Variants in TMEM135 observed in about 807,000 individuals in gnomAD.
TMEM135 encodes transmembrane protein 135.
A neutral mutation model predicts 60.3 loss-of-function variants in TMEM135; 30 were observed. The observed-to-expected ratio is 0.50, with a 90% CI of 0.37 to 0.68. TMEM135 has a LOEUF of 0.68. TMEM135 is among the 30% of genes least tolerant of loss of function. The pLI, the probability that TMEM135 is intolerant of heterozygous loss-of-function variation, is 0.00. For synonymous variants in TMEM135, 190 were observed against 186.7 expected (o/e 1.02, Z -0.14); for missense variants, 468 against 548.8 (o/e 0.85, Z 1.47).
intron 5 of TMEM135, among the ~76,000 whole-genome samples, chr11:87,175,284 G>A (rs61905591): frequency 2.8e-4 from 43 of 152,016 alleles, no homozygotes; most frequent in Non-Finnish European, 4.9e-4. Flanking sequence ...TATTCTTTCT[G>A]GAATATTTTA....
chr11:87,157,484 C>A (rs1197146145), intron 5 of TMEM135, 78 bp downstream of exon 5: 1 of 1,234,584 alleles, frequency 8.1e-7, no homozygotes, highest in South Asian at 1.2e-5. Context: ...GTGATGAAAT[C>A]TATGATGCTT....
At chr11:87,218,266 T>G (rs1174589163) in intron 5 of TMEM135, among the ~76,000 whole-genome samples, 1 of 152,198 alleles carries the variant, frequency 6.6e-6, no homozygotes, top group African/African-American at 2.4e-5. Flanking sequence ...AACTTAGAAG[T>G]GGGCCCTTTG....
chr11:87,082,501 A>T (rs370106882), intron 3 of TMEM135, among the ~76,000 whole-genome samples: 1 of 152,338 alleles, frequency 6.6e-6, no homozygotes, highest in East Asian at 1.9e-4. Context: ...CCTTTAATTC[A>T]CAGAGAAAAT....
At chr11:87,219,309 A>G (rs1324135425) in intron 5 of TMEM135, among the ~76,000 whole-genome samples, 2 of 152,178 alleles carry the variant, frequency 1.3e-5, no homozygotes, top group African/African-American at 2.4e-5. Context: ...TTCAATAGAA[A>G]TTTGTTTTCT....
intron 6 of TMEM135, among the ~76,000 whole-genome samples, chr11:87,274,579 A>G (rs944657787): frequency 7.2e-5 from 11 of 152,324 alleles, no homozygotes; most frequent in Non-Finnish European, 1.5e-4. Context: ...CAAGGATACA[A>G]TACTTAGTAG....
chr11:87,303,791 G>A (rs568111725), intron 8 of TMEM135, among the ~76,000 whole-genome samples: 1 of 152,296 alleles, frequency 6.6e-6, no homozygotes, highest in South Asian at 2.1e-4. Context: ...AGAAAAGGGA[G>A]AAAGGACCCT....
intron 4 of TMEM135, among the ~76,000 whole-genome samples, chr11:87,152,685 C>T (rs1045556969): frequency 6.6e-6 from 1 of 152,202 alleles, no homozygotes; most frequent in Non-Finnish European, 1.5e-5. Context: ...GCGCCCCACC[C>T]GCCTCGGCCT....
At chr11:87,318,874 C>CTTT (rs71470739) in intron 13 of TMEM135, among the ~76,000 whole-genome samples, 2 of 134,312 alleles carry the variant, frequency 1.5e-5, no homozygotes, top group Non-Finnish European at 3.2e-5. Context: ...TTTTTTTTTT[C>CTTT]TTTTTTTTTT....
intron 6 of TMEM135, among the ~76,000 whole-genome samples, chr11:87,281,981 C>G (rs754984219): frequency 1.3e-5 from 2 of 152,182 alleles, no homozygotes. Context: ...TGCAACATAA[C>G]TTAGCTCAGT....
intron 12 of TMEM135, among the ~76,000 whole-genome samples, chr11:87,316,130 C>T (rs1418700783): frequency 6.6e-6 from 1 of 151,978 alleles, no homozygotes; most frequent in Non-Finnish European, 1.5e-5. Context: ...TTGGCTTTCG[C>T]AGTGAATGGA....
chr11:87,040,678 G>A (rs1949743198), intron 1 of TMEM135, among the ~76,000 whole-genome samples: 1 of 150,688 alleles, frequency 6.6e-6, no homozygotes. Flanking sequence ...AAAAAAAAAG[G>A]GATCAGGGTA....
intron 6 of TMEM135, among the ~76,000 whole-genome samples, chr11:87,286,195 C>G (rs1243502259): frequency 2.0e-5 from 3 of 151,966 alleles, no homozygotes; most frequent in Non-Finnish European, 4.4e-5. Context: ...GGTGCATTTA[C>G]AAACCTTGAG....
intron 6 of TMEM135, among the ~76,000 whole-genome samples, chr11:87,257,872 A>G (rs1941560928): frequency 1.3e-5 from 2 of 152,100 alleles, no homozygotes; most frequent in Admixed American, 6.6e-5. Context: ...TAATATTTCA[A>G]TGGTATCTCA....
At chr11:87,128,378 C>A (rs1330303749) in intron 4 of TMEM135, among the ~76,000 whole-genome samples, 1 of 152,062 alleles carries the variant, frequency 6.6e-6, no homozygotes, top group East Asian at 1.9e-4. Context: ...CAACCTTCTG[C>A]GTGTTCTTTT....
intron 5 of TMEM135, among the ~76,000 whole-genome samples, chr11:87,185,509 GT>G (rs60110548): frequency 0.22 from 33,300 of 150,880 alleles, 4,256 homozygotes; most frequent in East Asian, 0.54. Context: ...CATATGTGGT[GT>G]TTTTTTTTCT....
chr11:87,289,383 C>A (rs757056741), intron 6 of TMEM135, among the ~76,000 whole-genome samples: 8 of 148,210 alleles, frequency 5.4e-5, no homozygotes, highest in Non-Finnish European at 1.2e-4. Context: ...ACCACTAGAA[C>A]GTATTTCTCC....
At chr11:87,264,064 T>C (rs1357606298) in intron 6 of TMEM135, among the ~76,000 whole-genome samples, 1 of 152,026 alleles carries the variant, frequency 6.6e-6, no homozygotes, top group Non-Finnish European at 1.5e-5. Flanking sequence ...TAGTTTAAAC[T>C]GTAGTGGAAA....
chr11:87,114,590 G>A (rs886593076), intron 4 of TMEM135, among the ~76,000 whole-genome samples: 1 of 152,096 alleles, frequency 6.6e-6, no homozygotes, highest in African/African-American at 2.4e-5. Flanking sequence ...TTACACTGAT[G>A]TTCAATTATA....
intron 8 of TMEM135, among the ~76,000 whole-genome samples, chr11:87,305,730 C>A (rs1031608263): frequency 6.6e-6 from 1 of 151,832 alleles, no homozygotes; most frequent in Non-Finnish European, 1.5e-5. Context: ...GTTGAGATCA[C>A]GCCCATTGTA....
Sources: allele counts gnomAD v4.1 joint callset (sites outside exome capture counted in the v4.1 genomes callset), GRCh38; gene constraint gnomAD v4.1.1; transcripts MANE v1.5; gene names NCBI Gene and HGNC (gene_info 2026-07-23, HGNC 2026-07-21).